MYO9A: variants seen among roughly 807,000 people sequenced by gnomAD.
MYO9A encodes unconventional myosin-IXa.
Under a neutral mutation model 293.3 loss-of-function variants are expected in MYO9A, and 103 were observed. The ratio of observed to expected loss-of-function variants is 0.35; its 90% CI spans 0.30 to 0.41. The LOEUF (loss-of-function observed/expected upper bound fraction) is 0.41, where lower values mean the gene tolerates loss of function less well. Among genes scored for constraint, MYO9A ranks in the 10% least tolerant of loss-of-function variants. The pLI is 1.00. For missense variants in MYO9A, 2,685 were observed against 3,033.0 expected (o/e 0.89, Z 2.69); for synonymous variants, 1,001 against 1,035.7 (o/e 0.97, Z 0.64).
chr15:71,899,625 G>A, intron 24 of MYO9A, 62 bp downstream of exon 24: 4 of 1,363,200 alleles, frequency 2.9e-6, no homozygotes, highest in Non-Finnish European at 4.0e-6. Flanking sequence ...TGTTAATGCA[G>A]AGGTATAAAC....
At chr15:72,081,150 C>A (rs1417713029) in intron 1 of MYO9A, among the ~76,000 whole-genome samples, 1 of 152,188 alleles carries the variant, frequency 6.6e-6, no homozygotes, top group Non-Finnish European at 1.5e-5. Context: ...ACACTGCTCT[C>A]TACAATGGTT....
intron 1 of MYO9A, among the ~76,000 whole-genome samples, chr15:72,104,264 T>C (rs2080492168): frequency 6.6e-6 from 1 of 152,198 alleles, no homozygotes; most frequent in South Asian, 2.1e-4. Context: ...TCTGAGCGCA[T>C]TTAAGGAAGG....
chr15:71,960,073 A>T lies in MYO9A; in HGVS notation c.2010T>A (p.Asp670Glu). ...GAGCTACAATGTCTGGGCGCATATG[A>T]TCTGTATTTTTTTCCCGGAAATCCT... ...GVKDFREKNTDHMRPDIVALL... is the reference protein window; with the variant it reads ...GVKDFREKNTEHMRPDIVALL... The change falls in exon 14 of 42, where the codon GAT becomes GAA. Residue 670 changes from aspartate to glutamate, a missense_variant. Asp to Glu is a conservative substitution (Grantham distance 45, BLOSUM62 2). Around this residue, in one of 10 missense-constraint regions of MYO9A, gnomAD observed 201 missense variants for 245.2 expected, o/e 0.82. Transcript: ENST00000356056. 1 of 1,613,960 alleles carries T rather than the reference A, an allele frequency of 6.2e-7. No individual in the cohort carries two copies.
At chr15:71,995,338 T>A (rs899949994) in intron 9 of MYO9A, among the ~76,000 whole-genome samples, 2 of 152,140 alleles carry the variant, frequency 1.3e-5, no homozygotes, top group African/African-American at 2.4e-5. Flanking sequence ...CACAATTACA[T>A]TGGTAGTTGT....
chr15:71,864,685 T>C (rs953970858), intron 32 of MYO9A, among the ~76,000 whole-genome samples: 26 of 152,162 alleles, frequency 1.7e-4, no homozygotes, highest in Admixed American at 1.1e-3. Flanking sequence ...CACAATGATA[T>C]AGATGAACTT....
chr15:72,001,123 G>A (rs973247839), intron 8 of MYO9A, among the ~76,000 whole-genome samples: 9 of 152,052 alleles, frequency 5.9e-5, no homozygotes, highest in African/African-American at 2.2e-4. Context: ...TATACTTAAT[G>A]TTACCAGACC....
intron 1 of MYO9A, 69 bp from the exon 2 acceptor site, chr15:72,046,703 A>C (rs1046377046): frequency 9.6e-7 from 1 of 1,044,506 alleles, no homozygotes; most frequent in Non-Finnish European, 1.3e-6. Flanking sequence ...AAGAAAGAAA[A>C]GCTTAACAAG....
At chr15:71,862,463 T>C (rs758509539) in intron 33 of MYO9A, 37 bp downstream of exon 33, 1 of 1,454,970 alleles carries the variant, frequency 6.9e-7, no homozygotes, top group Non-Finnish European at 9.6e-7. Context: ...GAAATGTCAG[T>C]GGTTAAAAAT....
In MYO9A at chr15:71,823,898, A is replaced by G. The variant is rs567039645; in HGVS notation, c.*2682T>C. The G allele has an allele frequency of 2.0e-5, 3 of 152,386 alleles. No individual in the cohort carries two copies. Among genetic ancestry groups the G allele is most frequent in the Non-Finnish European group, 4.4e-5 (3 of 68,050 alleles). 9.4% of individuals were successfully genotyped at this position (152,386 alleles called of 1,614,324 possible). A position where few individuals can be genotyped will look rare whatever the true frequency, so the allele number is the denominator to read the frequency against. On this transcript the variant is annotated 3_prime_UTR_variant, in exon 42 of 42. Transcript: ENST00000356056. ...ATGCATATTAAGGGCTAACAGTTTC[A>G]TAAGTGATTGTAATGCGGCATCACT...
chr15:72,040,968 C>T (rs1331732671), intron 2 of MYO9A, among the ~76,000 whole-genome samples: 1 of 152,118 alleles, frequency 6.6e-6, no homozygotes, highest in Non-Finnish European at 1.5e-5. Context: ...AGAGATCATA[C>T]TAAAAACTTT....
intron 33 of MYO9A, 120 bp from the exon 34 acceptor site, chr15:71,859,916 A>G (rs907149945): frequency 1.2e-5 from 9 of 720,028 alleles, no homozygotes; most frequent in Non-Finnish European, 1.9e-5. Context: ...CTGCTGTAAT[A>G]TGACATACAT....
intron 39 of MYO9A, among the ~76,000 whole-genome samples, chr15:71,836,232 C>T (rs985924849): frequency 6.6e-6 from 1 of 151,904 alleles, no homozygotes; most frequent in Non-Finnish European, 1.5e-5. Flanking sequence ...TGAACAGGCT[C>T]CTCACAAAAG....
intron 16 of MYO9A, among the ~76,000 whole-genome samples, 189 bp from the exon 17 acceptor site, chr15:71,935,673 C>A (rs1446325771): frequency 6.6e-6 from 1 of 152,090 alleles, no homozygotes; most frequent in East Asian, 1.9e-4. Context: ...AGAACAAATT[C>A]CTATGAATTC....
intron 15 of MYO9A, 36 bp from the exon 16 acceptor site, chr15:71,938,963 G>T: frequency 6.7e-7 from 1 of 1,492,358 alleles, no homozygotes; most frequent in Non-Finnish European, 9.2e-7. Flanking sequence ...TTTCAAATCA[G>T]TGCAAAGAAA....
At chr15:71,842,630 C>T (rs759133920) in intron 39 of MYO9A, among the ~76,000 whole-genome samples, 5 of 151,854 alleles carry the variant, frequency 3.3e-5, no homozygotes, top group Non-Finnish European at 7.4e-5. Flanking sequence ...GAGGCTGAGA[C>T]GGGCAGATTA....
chr15:72,097,327 C>T (rs1276104177), intron 1 of MYO9A, among the ~76,000 whole-genome samples: 2 of 152,182 alleles, frequency 1.3e-5, no homozygotes, highest in African/African-American at 4.8e-5. Context: ...AGTAAAGAAC[C>T]TCCACCAGCA....
intron 6 of MYO9A, among the ~76,000 whole-genome samples, chr15:72,011,120 C>T (rs929603548): frequency 7.9e-5 from 12 of 151,796 alleles, no homozygotes; most frequent in Non-Finnish European, 1.6e-4. Flanking sequence ...GGTGATTCTC[C>T]CACCTCAGCC....
At chr15:72,003,703 CAAA>C (rs397738256) in intron 8 of MYO9A, among the ~76,000 whole-genome samples, 1 of 86,512 alleles carries the variant, frequency 1.2e-5, no homozygotes. Context: ...GACTCCGTCT[CAAA>C]AAAAAAAAAA....
At chr15:72,044,543 C>A (rs918412556) in intron 2 of MYO9A, among the ~76,000 whole-genome samples, 6 of 152,216 alleles carry the variant, frequency 3.9e-5, no homozygotes, top group African/African-American at 1.4e-4. Flanking sequence ...TCTCTCCAAT[C>A]CTCACAGCCT....
Sources: gnomAD v4.1 joint callset for allele counts (sites outside exome capture counted in the v4.1 genomes callset) on GRCh38, gnomAD v4.1.1 for gene constraint, gnomAD v4.1.1 regional missense constraint, MANE v1.5 for transcripts, NCBI Gene and HGNC (gene_info 2026-07-23, HGNC 2026-07-21) for gene names.